The following KLRD1 variants were observed in gnomAD, a reference collection of about 807,000 sequenced individuals.
KLRD1 encodes the protein natural killer cells antigen CD94.
KLRD1 carries 21 observed loss-of-function variants against 22.6 expected under a neutral mutation model. That is an observed-to-expected ratio of 0.93 (90% CI 0.66 to 1.34). The LOEUF is 1.34. Among genes scored for constraint, KLRD1 ranks in the 40% most tolerant of loss-of-function variants. KLRD1 has a pLI of 0.00. For missense variants in KLRD1, 183 were observed against 208.6 expected, an observed-to-expected ratio of 0.88 and a Z score of 0.76; for synonymous variants, 59 against 71.1, an observed-to-expected ratio of 0.83 and a Z score of 0.85.
chr12:10,309,520 G>A, intron 2 of KLRD1, 40 bp downstream of exon 2: 1 of 1,304,672 alleles, frequency 7.7e-7, no homozygotes. Context: ...AATCAAAACT[G>A]TGAAGACATC....
At chr12:10,249,720 C>A (rs1216326276) in intron 1 of KLRD1, among the ~76,000 whole-genome samples, 7 of 152,172 alleles carry the variant, frequency 4.6e-5, no homozygotes, top group Non-Finnish European at 8.8e-5. Flanking sequence ...ACTTAATTTT[C>A]TACAAAGAAC....
chr12:10,309,473 G>A lies in KLRD1; in HGVS notation c.93G>A (p.Leu31=). ...TGATGTCTACGTTGGGAATTTTGTTGAAAAATTGTAAGTTTTTCTAAGCAA... is the reference window on the plus strand; with the variant it reads ...TGATGTCTACGTTGGGAATTTTGTTAAAAAATTGTAAGTTTTTCTAAGCAA... ...LSLMSTLGIL[L]KNSFTKLSIE... Residue 31 remains leucine, a synonymous_variant, in exon 2 of 6, where the codon TTG becomes TTA. Transcript: ENST00000336164. The A allele has an allele frequency of 2.0e-6, 3 of 1,499,022 alleles. No homozygotes were observed. The highest frequency in any genetic ancestry group is 9.3e-7 in the Non-Finnish European group (1 of 1,075,130). The allele number at this position is 1,499,022 out of a possible 1,614,324, so 92.9% of individuals were successfully genotyped here. A position where few individuals can be genotyped will look rare whatever the true frequency, so the allele number is the denominator to read the frequency against.
intron 1 of KLRD1, among the ~76,000 whole-genome samples, chr12:10,239,248 T>C (rs1431141654): frequency 1.3e-5 from 2 of 152,226 alleles, no homozygotes; most frequent in East Asian, 3.8e-4. Context: ...ATCTATTATA[T>C]AGCAAACAAA....
At chr12:10,271,472 C>T (rs1949549334) in intron 1 of KLRD1, among the ~76,000 whole-genome samples, 1 of 151,990 alleles carries the variant, frequency 6.6e-6, no homozygotes, top group Admixed American at 6.6e-5. Context: ...GAAATCAATC[C>T]TGATTCAAAC....
chr12:10,295,757 C>G (rs1025413785), intron 1 of KLRD1, among the ~76,000 whole-genome samples: 1 of 151,916 alleles, frequency 6.6e-6, no homozygotes. Flanking sequence ...AATATAGACA[C>G]CCATTTTTCT....
intron 1 of KLRD1, among the ~76,000 whole-genome samples, chr12:10,247,602 A>G (rs935392743): frequency 6.6e-6 from 1 of 152,098 alleles, no homozygotes; most frequent in Admixed American, 6.5e-5. Flanking sequence ...TCTAAGATAC[A>G]TTGTGGTATA....
rs915705789 is a variant in KLRD1 at position 10,326,260 on chromosome 12, C to T, written c.*11467C>T. ...AATTATTTTCTCCCATTCTGTAGAT[C>T]ATCCTTTCATTCCATTGGTTATTTC... On this transcript the variant is annotated 3_prime_UTR_variant, in exon 6 of 6. Transcript: ENST00000336164. 6 of 152,076 alleles carry T rather than the reference C, an allele frequency of 3.9e-5. No individual in the cohort carries two copies. The highest frequency in any genetic ancestry group is 3.9e-4 in the Admixed American group (6 of 15,256). 9.4% of individuals were successfully genotyped at this position (152,076 alleles called of 1,614,324 possible).
chr12:10,286,998 C>T (rs1202795588), intron 1 of KLRD1, among the ~76,000 whole-genome samples: 1 of 151,714 alleles, frequency 6.6e-6, no homozygotes, highest in Non-Finnish European at 1.5e-5. Context: ...ATTAGACGGG[C>T]GTGGTGGTGC....
rs1950377464 is a variant in KLRD1 at position 10,328,121 on chromosome 12, T to C, written c.*13328T>C. 6.6e-6 allele frequency: 1 copy of C among 152,196 alleles called. No homozygotes were observed. The highest frequency in any genetic ancestry group is 1.5e-5 in the Non-Finnish European group (1 of 68,012). 9.4% of individuals were successfully genotyped at this position (152,196 alleles called of 1,614,324 possible). On this transcript the variant is annotated 3_prime_UTR_variant, in exon 6 of 6. Coordinates refer to ENST00000336164, the MANE Select transcript of KLRD1 (RefSeq NM_002262.5). ...TACTAGACATATTGGCTTATAGTTTTCTTGTGGTATCTTTGACAAGCTTTG... is the reference window on the plus strand; with the variant it reads ...TACTAGACATATTGGCTTATAGTTTCCTTGTGGTATCTTTGACAAGCTTTG...
At chr12:10,295,908 G>A (rs553452501) in intron 1 of KLRD1, among the ~76,000 whole-genome samples, 97 of 152,180 alleles carry the variant, frequency 6.4e-4, no homozygotes, top group African/African-American at 2.2e-3. Context: ...TTCTAATACC[G>A]TGTTTCAATG....
rs753332995 is a variant in KLRD1 at position 10,282,258 on chromosome 12, A to AT, written c.-100-25705dup. On this transcript the variant is annotated intron_variant, in intron 1 of 5. Coordinates refer to the KLRD1 transcript ENST00000544747. ...AACATATACACATATGTATACATACATTTTTTTTTTTTTTTGAGACTGAGT... is the reference window on the plus strand; with the variant it reads ...AACATATACACATATGTATACATACATTTTTTTTTTTTTTTTGAGACTGAGT... Among the ~76,000 whole-genome samples, 325 of 143,430 alleles carry AT rather than the reference A, an allele frequency of 2.3e-3. 1 individual carries two copies. Among genetic ancestry groups the AT allele is most frequent in the Middle Eastern group, 3.7e-3 (1 of 268 alleles). The allele number at this position is 143,430 out of a possible 152,430, so 94.1% of individuals were successfully genotyped here.
At chr12:10,276,383 T>C (rs1949592259) in intron 1 of KLRD1, among the ~76,000 whole-genome samples, 1 of 152,200 alleles carries the variant, frequency 6.6e-6, no homozygotes, top group Non-Finnish European at 1.5e-5. Context: ...GGGTAGCCTT[T>C]GACATTTTCT....
At chr12:10,290,314 A>G (rs1422712522) in intron 1 of KLRD1, among the ~76,000 whole-genome samples, 2 of 152,350 alleles carry the variant, frequency 1.3e-5, no homozygotes, top group Non-Finnish European at 2.9e-5. Flanking sequence ...GAAAGGCCAG[A>G]GCAAGACCTA....
chr12:10,239,285 G>A (rs12302171), intron 1 of KLRD1, among the ~76,000 whole-genome samples: 96 of 152,136 alleles, frequency 6.3e-4, no homozygotes, highest in African/African-American at 2.1e-3. Flanking sequence ...CTAGGAGCAC[G>A]GGTTCTAATA....
At chr12:10,256,568 T>G (rs953555249) in intron 1 of KLRD1, among the ~76,000 whole-genome samples, 3 of 151,772 alleles carry the variant, frequency 2.0e-5, no homozygotes, top group Admixed American at 6.6e-5. Flanking sequence ...ACTAACAACT[T>G]CAGTGGCAAA....
intron 1 of KLRD1, among the ~76,000 whole-genome samples, chr12:10,284,326 CA>C (rs1326085691): frequency 2.6e-5 from 4 of 152,188 alleles, no homozygotes; most frequent in African/African-American, 9.7e-5. Context: ...GATAAATTAT[CA>C]GTATGAAACC....
chr12:10,292,565 G>T (rs1949779983), intron 1 of KLRD1, among the ~76,000 whole-genome samples: 1 of 152,142 alleles, frequency 6.6e-6, no homozygotes, highest in Non-Finnish European at 1.5e-5. Context: ...TGAGCACTAT[G>T]TCTCAACAAT....
At chr12:10,239,434 T>TTCCTTCCTTCCTTCCTTCC (rs59390706) in intron 1 of KLRD1, among the ~76,000 whole-genome samples, 1 of 41,402 alleles carries the variant, frequency 2.4e-5, no homozygotes, top group African/African-American at 8.1e-5. Flanking sequence ...CCTTCCTTCC[T>TTCCTTCCTTCCTTCCTTCC]TTCCTTCCTT....
chr12:10,296,022 T>C (rs944555588), intron 1 of KLRD1, among the ~76,000 whole-genome samples: 10 of 152,236 alleles, frequency 6.6e-5, no homozygotes, highest in African/African-American at 2.4e-4. Context: ...TTTTAAATTA[T>C]GTAGCTTTTT....
Sources: allele counts gnomAD v4.1 joint callset (sites outside exome capture counted in the v4.1 genomes callset), GRCh38; gene constraint gnomAD v4.1.1; transcripts MANE v1.5; gene names NCBI Gene and HGNC (gene_info 2026-07-23, HGNC 2026-07-21).